The following ATM variants were observed in gnomAD, a reference collection of about 807,000 sequenced individuals.
ATM encodes serine-protein kinase ATM.
Under a neutral mutation model 387.0 loss-of-function variants are expected in ATM, and 308 were observed. The observed-to-expected ratio is 0.80, with a 90% CI of 0.73 to 0.87. The LOEUF (loss-of-function observed/expected upper bound fraction) is 0.87. ATM is among the 40% of genes least tolerant of loss of function. The pLI is 0.00. For missense variants in ATM, 3,312 were observed against 3,560.9 expected, an observed-to-expected ratio of 0.93 and a Z score of 1.78; for synonymous variants, 1,156 against 1,187.3, an observed-to-expected ratio of 0.97 and a Z score of 0.54.
intron 59 of ATM, 84 bp downstream of exon 59, chr11:108,347,449 A>AAT (rs1438239619): frequency 3.8e-5 from 43 of 1,127,576 alleles, no homozygotes; most frequent in Non-Finnish European, 5.3e-5. Context: ...AGATATTACA[A>AAT]ATATAAGAGA....
intron 61 of ATM, among the ~76,000 whole-genome samples, chr11:108,362,195 A>G (rs1219552676): frequency 1.4e-5 from 2 of 146,068 alleles, no homozygotes; most frequent in Admixed American, 6.9e-5. Context: ...AACACATGAA[A>G]AAATGCTCAT....
chr11:108,290,569 T>TA (rs1308186179), intron 29 of ATM: 1 of 140,636 alleles, frequency 7.1e-6, no homozygotes, highest in Non-Finnish European at 1.5e-5. Context: ...AGGCAGAGGT[T>TA]ACAGGTTACA....
chr11:108,340,070 AATAAAC>A (rs1180346439), intron 56 of ATM: 1 of 152,224 alleles, frequency 6.6e-6, no homozygotes, highest in East Asian at 1.9e-4. Flanking sequence ...AAATAAACAT[AATAAAC>A]ATAATTATAA....
intron 56 of ATM, among the ~76,000 whole-genome samples, chr11:108,341,714 GATTT>G (rs1159189177): frequency 6.6e-6 from 1 of 151,974 alleles, no homozygotes; most frequent in Non-Finnish European, 1.5e-5. Context: ...AAGAACAAGG[GATTT>G]ATATGAAGAA....
intron 56 of ATM, chr11:108,340,067 C>T (rs188865415): frequency 2.4e-4 from 37 of 152,268 alleles, no homozygotes; most frequent in African/African-American, 8.4e-4. Flanking sequence ...GGAAAATAAA[C>T]ATAATAAACA....
intron 10 of ATM, 43 bp downstream of exon 10, chr11:108,251,115 C>G (rs375728238): frequency 6.2e-7 from 1 of 1,611,182 alleles, no homozygotes; most frequent in Non-Finnish European, 8.5e-7. Context: ...GATAAACACA[C>G]ACAGACACAC....
chr11:108,252,924 A>G lies in ATM; in HGVS notation c.1898+12A>G, dbSNP rs2135355566. ...AGCGTGCCAGAATGGTATGTTATCT[A>G]ATAATGCTCTTTATCATTTTAAGCT... On this transcript the variant is annotated intron_variant, in intron 12 of 62. Transcript: ENST00000675843. 1.3e-6 allele frequency: 2 copies of G among 1,583,608 alleles called. No individual in the cohort carries two copies. The highest frequency in any genetic ancestry group is 1.7e-6 in the Non-Finnish European group (2 of 1,153,274).
intron 59 of ATM, among the ~76,000 whole-genome samples, chr11:108,352,752 T>G (rs1311167313): frequency 1.3e-5 from 2 of 152,222 alleles, no homozygotes; most frequent in Non-Finnish European, 2.9e-5. Context: ...ACTATTGATA[T>G]ACATAACAAT....
At chr11:108,291,136 T>G (rs1291220517) in intron 29 of ATM, among the ~76,000 whole-genome samples, 1 of 152,076 alleles carries the variant, frequency 6.6e-6, no homozygotes, top group African/African-American at 2.4e-5. Flanking sequence ...CTCAGGAGGC[T>G]GAGGCAGGAA....
chr11:108,275,615 T>C (rs1431166441), intron 22 of ATM, among the ~76,000 whole-genome samples: 1 of 152,224 alleles, frequency 6.6e-6, no homozygotes, highest in Non-Finnish European at 1.5e-5. Context: ...TCTCCTTTGG[T>C]TATGAAGCTT....
In ATM at chr11:108,281,063, G is replaced by A. The variant is rs878853504; in HGVS notation, c.3471G>A (p.Leu1157=). 2 of 1,613,798 alleles carry A rather than the reference G, an allele frequency of 1.2e-6. No homozygotes were observed. Among genetic ancestry groups the A allele is most frequent in the East Asian group, 2.2e-5 (1 of 44,836 alleles). ...IYNRKSVLLT[L]IAVVLSCSPI... ...ATAGAAAATCTGTTTTACTGACGTT[G>A]ATAGCTGTGGTTTTATCCTGTAGCC... The change falls in exon 24 of 63, where the codon TTG becomes TTA. Residue 1157 remains leucine, a synonymous_variant. Transcript: ENST00000675843.
chr11:108,359,039 T>C (rs1282609731), intron 61 of ATM, among the ~76,000 whole-genome samples: 2 of 149,808 alleles, frequency 1.3e-5, no homozygotes, highest in Non-Finnish European at 3.0e-5. Flanking sequence ...GTGTGCTGTA[T>C]TCAGGAAACC....
At chr11:108,296,394 G>A (rs867487477) in intron 32 of ATM, among the ~76,000 whole-genome samples, 2 of 152,114 alleles carry the variant, frequency 1.3e-5, no homozygotes, top group Non-Finnish European at 2.9e-5. Flanking sequence ...GGGATTACAG[G>A]TGTGTGCCAC....
Position 108,292,816 on chromosome 11 carries a change from A to G in ATM, c.4611+23A>G. On this transcript the variant is annotated intron_variant, in intron 30 of 62. Transcript: ENST00000675843. ...CAGGTAATTTTCTGACTCATCTTCA[A>G]AATGGTATTTAAAATATATAAAGTA... The G allele has an allele frequency of 6.2e-7, 1 of 1,610,362 alleles. No individual in the cohort carries two copies. Among genetic ancestry groups the G allele is most frequent in the Non-Finnish European group, 8.5e-7 (1 of 1,176,760 alleles).
chr11:108,360,336 G>C (rs1473416570), intron 61 of ATM, among the ~76,000 whole-genome samples: 5 of 151,042 alleles, frequency 3.3e-5, no homozygotes, highest in Non-Finnish European at 7.4e-5. Context: ...TCCAGGACCA[G>C]ATGGATTCAC....
intron 42 of ATM, 35 bp downstream of exon 42, chr11:108,316,148 T>G: frequency 1.3e-6 from 2 of 1,562,102 alleles, no homozygotes; most frequent in Non-Finnish European, 1.8e-6. Flanking sequence ...AAGCCATCAC[T>G]AGTGTAGTGC....
intron 15 of ATM, 144 bp downstream of exon 15, chr11:108,257,750 A>C: frequency 3.6e-6 from 3 of 838,616 alleles, no homozygotes; most frequent in Non-Finnish European, 3.9e-6. Flanking sequence ...CTCCCAAGTA[A>C]TTGGGACTAC....
chr11:108,274,126 A>G (rs2081785769), intron 22 of ATM, among the ~76,000 whole-genome samples: 1 of 151,938 alleles, frequency 6.6e-6, no homozygotes, highest in South Asian at 2.1e-4. Context: ...GGAATTTATC[A>G]CTTTCTTCTA....
In ATM at chr11:108,275,521, A is replaced by G. The variant is rs374141968; in HGVS notation, c.3284+2669A>G. 5.6e-4 allele frequency among the ~76,000 whole-genome samples: 85 copies of G among 152,310 alleles called. No homozygotes were observed. The South Asian group carries it at 0.017, about 31-fold the overall frequency. On this transcript the variant is annotated intron_variant, in intron 22 of 62. Coordinates refer to ENST00000675843, the MANE Select transcript of ATM (RefSeq NM_000051.4). ...GTACCAGCTTTGCCTTTCCATATTT[A>G]GTGCTACCTTCAGGAGCTCTTGTAA...
Sources: allele counts gnomAD v4.1 joint callset (sites outside exome capture counted in the v4.1 genomes callset), GRCh38; gene constraint gnomAD v4.1.1; transcripts MANE v1.5; gene names NCBI Gene and HGNC (gene_info 2026-07-23, HGNC 2026-07-21).